GLIS3: variants seen among roughly 807,000 people sequenced by gnomAD.
GLIS3 encodes the protein zinc finger protein GLIS3.
Under a neutral mutation model 78.6 loss-of-function variants are expected in GLIS3, and 53 were observed. That is an observed-to-expected ratio of 0.67 (90% CI 0.54 to 0.85). GLIS3 has a LOEUF of 0.85. Ranked by LOEUF, GLIS3 falls within the 40% of genes least tolerant of loss-of-function variation. GLIS3 has a pLI of 0.00. For synonymous variants in GLIS3, 684 were observed against 509.9 expected (o/e 1.34, Z -4.60); for missense variants, 1,703 against 1,231.1 (o/e 1.38, Z -5.74).
rs34620814 is a variant in GLIS3, at chr9:3,899,426, TA to T, written c.1984-592del. On this transcript the variant is annotated intron_variant, in intron 6 of 10. Coordinates refer to ENST00000381971, the MANE Select transcript of GLIS3 (RefSeq NM_001042413.2). Reference sequence around the variant, plus strand: ...ATCTTATACATTAAAGAGTTACATGTAAAAAAAAAATCAAACAATAAAAAAT... The same window carrying T: ...ATCTTATACATTAAAGAGTTACATGTAAAAAAAAATCAAACAATAAAAAAT... 6.3e-3 allele frequency among the ~76,000 whole-genome samples: 938 copies of T among 149,816 alleles called. 8 individuals carry two copies. Among genetic ancestry groups the T allele is most frequent in the African/African-American group, 0.021 (868 of 40,882 alleles).
At chr9:4,441,729 C>A in the GLIS3 span, among the ~76,000 whole-genome samples, 1 of 152,146 alleles carries the variant, frequency 6.6e-6, no homozygotes, top group Non-Finnish European at 1.5e-5. Context: ...ACCTCAACCT[C>A]CAAAGTAGCT....
rs146131512 is a variant in GLIS3, at chr9:4,118,393, G to A, written c.1085C>T (p.Pro362Leu). ...CTTCTGGCTGCCGGGCACCGGGCGC[G>A]GCTGGGGAATGCAGCTGCCGCGCAC... Reference protein sequence around the residue: ...LGVRGSCIPQPRPVPGSQKGV... With the variant: ...LGVRGSCIPQLRPVPGSQKGV... The change falls in exon 4 of 11, where the codon CCG (proline) becomes CTG (leucine). Residue 362 changes from proline (P) to leucine (L), a missense_variant. By Grantham distance (98) the Pro-to-Leu change is moderately conservative. Coordinates refer to ENST00000381971, the MANE Select transcript of GLIS3 (RefSeq NM_001042413.2). The surrounding 1 kb of genome is among the most constrained non-coding windows in gnomAD (Gnocchi z 4.7). 3 of 1,603,742 alleles carry A rather than the reference G, an allele frequency of 1.9e-6. No homozygotes were observed. The highest frequency in any genetic ancestry group is 1.7e-5 in the Admixed American group (1 of 59,698).
chr9:4,485,360 G>T, the GLIS3 span, among the ~76,000 whole-genome samples: 32 of 152,132 alleles, frequency 2.1e-4, no homozygotes, highest in South Asian at 5.8e-3. Flanking sequence ...GATTTCTGAG[G>T]ACTGGCTGAC....
chr9:4,163,672 C>A (rs989668168), intron 2 of GLIS3, among the ~76,000 whole-genome samples: 1 of 152,218 alleles, frequency 6.6e-6, no homozygotes, highest in African/African-American at 2.4e-5. Context: ...TGAGTAGCTA[C>A]ACTTCAGTAT....
At chr9:4,165,811 G>C (rs1245471914) in intron 2 of GLIS3, among the ~76,000 whole-genome samples, 1 of 152,134 alleles carries the variant, frequency 6.6e-6, no homozygotes, top group Non-Finnish European at 1.5e-5. Context: ...TCTTCAATTG[G>C]GTGAGATTGC....
the GLIS3 span, among the ~76,000 whole-genome samples, chr9:4,448,550 T>C: frequency 4.6e-5 from 7 of 152,390 alleles, no homozygotes; most frequent in Non-Finnish European, 8.8e-5. Flanking sequence ...GTTGTCATTA[T>C]AGACATTTAC....
the GLIS3 span, among the ~76,000 whole-genome samples, chr9:4,380,126 A>G: frequency 6.6e-6 from 1 of 152,362 alleles, no homozygotes; most frequent in Middle Eastern, 3.4e-3. Context: ...TTTCAAACCT[A>G]GAAGGCATCT....
chr9:3,873,431 T>A (rs1250495562), intron 8 of GLIS3, among the ~76,000 whole-genome samples: 1 of 152,112 alleles, frequency 6.6e-6, no homozygotes, highest in Non-Finnish European at 1.5e-5. Flanking sequence ...AATCAATAAA[T>A]GGGATATATA....
intron 4 of GLIS3, among the ~76,000 whole-genome samples, chr9:4,069,012 G>T (rs1018946374): frequency 3.3e-5 from 5 of 152,110 alleles, no homozygotes; most frequent in East Asian, 3.8e-4. Flanking sequence ...GCCCAGAAAA[G>T]TAAGTGGCTT....
chr9:4,223,508 C>G (rs1288819600), intron 2 of GLIS3, among the ~76,000 whole-genome samples: 2 of 152,132 alleles, frequency 1.3e-5, no homozygotes, highest in Admixed American at 1.3e-4. Context: ...AGAGACCCAC[C>G]TTTATTTTCT....
the GLIS3 span, among the ~76,000 whole-genome samples, chr9:4,408,751 G>C: frequency 7.0e-6 from 1 of 141,968 alleles, no homozygotes; most frequent in Non-Finnish European, 1.5e-5. Flanking sequence ...AAAAAAAATA[G>C]AGAGAATGAA....
chr9:3,862,792 C>T (rs981008894), intron 8 of GLIS3, among the ~76,000 whole-genome samples: 1 of 152,040 alleles, frequency 6.6e-6, no homozygotes. Flanking sequence ...TACAGACCTC[C>T]CAAAGAAGGA....
the GLIS3 span, among the ~76,000 whole-genome samples, chr9:4,375,245 C>T: frequency 1.2e-4 from 19 of 152,170 alleles, no homozygotes; most frequent in Middle Eastern, 0.01. Context: ...TAATGAACTC[C>T]CAACATCAGA....
intron 2 of GLIS3, among the ~76,000 whole-genome samples, chr9:4,339,651 A>G (rs1043239563): frequency 1.3e-5 from 2 of 148,886 alleles, no homozygotes; most frequent in African/African-American, 5.0e-5. Flanking sequence ...TTCATTGAGC[A>G]AAGTTTCCCA....
intron 8 of GLIS3, among the ~76,000 whole-genome samples, chr9:3,873,700 A>G (rs1466096904): frequency 1.3e-5 from 2 of 152,216 alleles, no homozygotes; most frequent in African/African-American, 4.8e-5. Context: ...AGAAAAAGTC[A>G]AAGTTACTTA....
At position 4,320,024 on chromosome 9, in the gene GLIS3, T is replaced by TGTGTGCGC. The variant is rs1554658416; in HGVS notation, n.265-9497_265-9496insGCGCACAC. Among the ~76,000 whole-genome samples the TGTGTGCGC allele has an allele frequency of 5.4e-5, 3 of 55,372 alleles. 1 individual carries two copies. Among genetic ancestry groups the TGTGTGCGC allele is most frequent in the East Asian group, 7.4e-4 (1 of 1,348 alleles). 36.3% of individuals were successfully genotyped at this position (55,372 alleles called of 152,430 possible). On this transcript the variant is annotated intron_variant and non_coding_transcript_variant, in intron 2 of 4. Transcript: ENST00000471664. Reference sequence around the variant, plus strand: ...GTGTGTGTGTGTGTGTGTGTGTGTGTGCGCGCGCACAAGAGTCAAATTAGT... The same window carrying TGTGTGCGC: ...GTGTGTGTGTGTGTGTGTGTGTGTGTGTGTGCGCGCGCGCGCACAAGAGTCAAATTAGT...
At chr9:4,360,756 G>C in the GLIS3 span, among the ~76,000 whole-genome samples, 13 of 152,310 alleles carry the variant, frequency 8.5e-5, no homozygotes, top group Non-Finnish European at 1.8e-4. Context: ...ACACAGAGTT[G>C]TGTTGAGTGT....
At chr9:3,926,905 G>T (rs948801787) in intron 6 of GLIS3, among the ~76,000 whole-genome samples, 1 of 152,180 alleles carries the variant, frequency 6.6e-6, no homozygotes, top group Non-Finnish European at 1.5e-5. Context: ...GATTACAGGC[G>T]TGAGCCATTG....
chr9:4,021,733 T>C (rs1822902592), intron 4 of GLIS3, among the ~76,000 whole-genome samples: 1 of 152,160 alleles, frequency 6.6e-6, no homozygotes, highest in African/African-American at 2.4e-5. Flanking sequence ...CTCTAAGAAG[T>C]ATCCAGGTAT....
Sources: allele counts gnomAD v4.1 joint callset (sites outside exome capture counted in the v4.1 genomes callset), GRCh38; gene constraint gnomAD v4.1.1; non-coding constraint Gnocchi (gnomAD v3.1); transcripts MANE v1.5; gene names NCBI Gene and HGNC (gene_info 2026-07-23, HGNC 2026-07-21).